SLC1A7: variants seen among roughly 807,000 people sequenced by gnomAD.
The protein encoded by SLC1A7 is solute carrier family 1 member 7, also known as excitatory amino acid transporter 5.
A neutral mutation model predicts 47.7 loss-of-function variants in SLC1A7; 40 were observed. That is an observed-to-expected ratio of 0.84 (90% CI 0.65 to 1.09). The LOEUF is 1.09. Ranked by LOEUF, SLC1A7 falls within the 50% of genes least tolerant of loss-of-function variation. The pLI is 0.00. For missense variants in SLC1A7, 746 were observed against 769.5 expected (o/e 0.97, Z 0.36); for synonymous variants, 323 against 325.6 (o/e 0.99, Z 0.09).
chr1:53,135,627 G>A (rs1644984804), intron 1 of SLC1A7, among the ~76,000 whole-genome samples: 1 of 152,048 alleles, frequency 6.6e-6, no homozygotes, highest in African/African-American at 2.4e-5. Context: ...GAAGCAGAAG[G>A]GCTGCTAAGC....
At chr1:53,102,162 T>G (rs1461773140) in intron 5 of SLC1A7, 2 of 152,282 alleles carry the variant, frequency 1.3e-5, no homozygotes, top group East Asian at 3.9e-4. Context: ...TTCACACACT[T>G]GGGTCACCGA....
At chr1:53,134,798 GT>G (rs1048888852) in intron 1 of SLC1A7, among the ~76,000 whole-genome samples, 1 of 152,102 alleles carries the variant, frequency 6.6e-6, no homozygotes, top group African/African-American at 2.4e-5. Context: ...TGTGGACGTT[GT>G]TTTTTTCCTA....
At chr1:53,124,225 T>C (rs1331115530) in intron 2 of SLC1A7, among the ~76,000 whole-genome samples, 2 of 110,620 alleles carry the variant, frequency 1.8e-5, no homozygotes, top group South Asian at 3.6e-4. Flanking sequence ...TTACAAGAAA[T>C]AGGAAGGAAA....
At chr1:53,126,659 C>T (rs1000477205) in intron 2 of SLC1A7, among the ~76,000 whole-genome samples, 4 of 152,162 alleles carry the variant, frequency 2.6e-5, no homozygotes, top group African/African-American at 9.7e-5. Context: ...TTGCTAGCAT[C>T]GGGGGACAGG....
At chr1:53,141,559 G>A (rs989321308) in intron 1 of SLC1A7, among the ~76,000 whole-genome samples, 1 of 152,016 alleles carries the variant, frequency 6.6e-6, no homozygotes, top group Non-Finnish European at 1.5e-5. Flanking sequence ...CCCAGGAAAC[G>A]CAGCTTCTTC....
intron 3 of SLC1A7, among the ~76,000 whole-genome samples, chr1:53,112,160 A>C (rs1644707481): frequency 6.6e-6 from 1 of 152,220 alleles, no homozygotes; most frequent in Admixed American, 6.5e-5. Flanking sequence ...CAGAGGCTTG[A>C]GAAACATTTG....
chr1:53,125,132 G>A (rs529762409), intron 2 of SLC1A7, among the ~76,000 whole-genome samples: 2 of 152,274 alleles, frequency 1.3e-5, no homozygotes, highest in South Asian at 4.1e-4. Context: ...GGCAGCACAC[G>A]GAAGACGGCT....
intron 1 of SLC1A7, among the ~76,000 whole-genome samples, chr1:53,139,629 T>G (rs1175244497): frequency 1.3e-5 from 2 of 152,228 alleles, no homozygotes; most frequent in Non-Finnish European, 2.9e-5. Flanking sequence ...TCTTGCTCTG[T>G]TACGTTCTGG....
intron 5 of SLC1A7, among the ~76,000 whole-genome samples, chr1:53,094,673 G>T (rs1005353639): frequency 3.3e-5 from 5 of 152,172 alleles, no homozygotes; most frequent in Non-Finnish European, 7.4e-5. Flanking sequence ...GGCCTACCCC[G>T]CCCGCCTGTC....
At chr1:53,089,039 G>T in intron 9 of SLC1A7, 60 bp from the exon 10 acceptor site, 1 of 1,357,772 alleles carries the variant, frequency 7.4e-7, no homozygotes, top group Non-Finnish European at 1.1e-6. Flanking sequence ...GAAGAGGGCA[G>T]TGCTCAACCC....
chr1:53,138,280 T>C (rs1645020671), intron 1 of SLC1A7, among the ~76,000 whole-genome samples: 1 of 152,162 alleles, frequency 6.6e-6, no homozygotes, highest in Non-Finnish European at 1.5e-5. Context: ...TGATGGGCCA[T>C]AGTATGGGGT....
intron 1 of SLC1A7, 60 bp downstream of exon 1, chr1:53,142,255 A>G (rs1645065283): frequency 6.6e-7 from 1 of 1,515,966 alleles, no homozygotes; most frequent in Non-Finnish European, 8.9e-7. Flanking sequence ...GGGACCCCAG[A>G]TCCCTCAGGC....
intron 1 of SLC1A7, among the ~76,000 whole-genome samples, chr1:53,137,855 G>C (rs1300888335): frequency 1.3e-5 from 2 of 152,186 alleles, no homozygotes; most frequent in Non-Finnish European, 2.9e-5. Context: ...TCTAGGCCCA[G>C]TGCTTGTCAT....
At position 53,134,445 on chromosome 1, in the gene SLC1A7, G is replaced by C. The variant is rs376096941; in HGVS notation, c.136-16C>G. On this transcript the variant is annotated splice_polypyrimidine_tract_variant and intron_variant, in intron 1 of 10. Coordinates refer to ENST00000371494, the MANE Select transcript of SLC1A7 (RefSeq NM_006671.6). Reference sequence around the variant, plus strand: ...AACTAATTTCCTGAAAACACAGTAAGAACTGGGGTTATAGCAAGAGATGCA... The same window carrying C: ...AACTAATTTCCTGAAAACACAGTAACAACTGGGGTTATAGCAAGAGATGCA... 6.4e-7 allele frequency: 1 copy of C among 1,573,764 alleles called. No homozygotes were observed.
In SLC1A7 at chr1:53,093,824, G is replaced by A. The variant is rs534511919; in HGVS notation, c.698-264C>T. ...CCCTGCCAAGTGCACCCCTGGCTTC[G>A]CTGTGCGCTTAGGCCATGACAAGCT... On this transcript the variant is annotated intron_variant, in intron 5 of 10. Transcript: ENST00000371494. Among the ~76,000 whole-genome samples, 345 of 152,270 alleles carry A rather than the reference G, an allele frequency of 2.3e-3. 1 individual carries two copies. Among genetic ancestry groups the A allele is most frequent in the African/African-American group, 7.5e-3 (310 of 41,552 alleles).
At position 53,090,320 on chromosome 1, in the gene SLC1A7, G is replaced by A. The variant is rs1322167105; in HGVS notation, c.1226+292C>T. 5.5e-6 allele frequency: 3 copies of A among 541,654 alleles called. No homozygotes were observed. The Admixed American group carries it at 1.1e-4, about 19-fold the overall frequency. The allele number at this position is 541,654 out of a possible 1,614,324, so 33.6% of individuals were successfully genotyped here. ...CCTGTGTGCTTGGCTGGGCTGTGAGGCCTCCGTCAGCCTCAGCCGCATCCC... is the reference window on the plus strand; with the variant it reads ...CCTGTGTGCTTGGCTGGGCTGTGAGACCTCCGTCAGCCTCAGCCGCATCCC... On this transcript the variant is annotated intron_variant, in intron 8 of 10. Coordinates refer to ENST00000371494, the MANE Select transcript of SLC1A7 (RefSeq NM_006671.6).
chr1:53,113,477 C>T (rs1207697002), intron 3 of SLC1A7, among the ~76,000 whole-genome samples: 2 of 152,184 alleles, frequency 1.3e-5, no homozygotes, highest in African/African-American at 4.8e-5. Flanking sequence ...CCACCATCCA[C>T]TTGGATGCGT....
rs761747423 is a variant in SLC1A7 at position 53,093,559 on chromosome 1, G to A, written c.699C>T (p.Gly233=). 1.3e-5 allele frequency: 20 copies of A among 1,598,818 alleles called. No homozygotes were observed. The highest frequency in any genetic ancestry group is 1.7e-5 in the Admixed American group (1 of 58,894). Residue 233 remains glycine (G), a splice_region_variant and synonymous_variant, in exon 6 of 11, where the codon GGC becomes GGT. Coordinates refer to ENST00000371494, the MANE Select transcript of SLC1A7 (RefSeq NM_006671.6). ...TGTCACCCATGCGGCCCAGCATGAT[G>A]CCTGCGGGTCAGGGACACAGTGCTG... ...LGIVFFSATM[G]IMLGRMGDSG... is the part of the protein sequence containing the mutation.
chr1:53,125,104 A>G (rs903830001), intron 2 of SLC1A7, among the ~76,000 whole-genome samples: 1 of 152,168 alleles, frequency 6.6e-6, no homozygotes, highest in Non-Finnish European at 1.5e-5. Flanking sequence ...TATAATTGGC[A>G]TGGCGTTAGT....
Sources: gnomAD v4.1 joint callset for allele counts (sites outside exome capture counted in the v4.1 genomes callset) on GRCh38, gnomAD v4.1.1 for gene constraint, MANE v1.5 for transcripts, NCBI Gene and HGNC (gene_info 2026-07-23, HGNC 2026-07-21) for gene names.